Variants in ABCC9 observed in about 807,000 individuals in gnomAD.
ABCC9 encodes ATP-binding cassette sub-family C member 9.
Under a neutral mutation model 188.3 loss-of-function variants are expected in ABCC9, and 95 were observed. That is an observed-to-expected ratio of 0.50 (90% CI 0.43 to 0.60). ABCC9 has a LOEUF of 0.60. Ranked by LOEUF, ABCC9 falls within the 20% of genes least tolerant of loss-of-function variation. The pLI, the probability that ABCC9 is intolerant of heterozygous loss-of-function variation, is 0.00. For missense variants in ABCC9, 1,102 were observed against 1,876.3 expected, an observed-to-expected ratio of 0.59 and a Z score of 7.62; for synonymous variants, 659 against 652.7, an observed-to-expected ratio of 1.01 and a Z score of -0.15.
intron 3 of ABCC9, among the ~76,000 whole-genome samples, chr12:21,936,281 C>G (rs1393634340): frequency 6.6e-6 from 1 of 152,152 alleles, no homozygotes; most frequent in Non-Finnish European, 1.5e-5. Flanking sequence ...ATATATTTCT[C>G]TTTCCTTCTT....
chr12:21,892,112 C>G (rs143016564), intron 14 of ABCC9, among the ~76,000 whole-genome samples: 63 of 152,288 alleles, frequency 4.1e-4, no homozygotes, highest in African/African-American at 1.5e-3. Context: ...AAAGACTGGT[C>G]TTTATCAAAC....
rs4148670 is a variant in ABCC9, at chr12:21,863,070, G to GA, written c.2238-17dup. 0.032 allele frequency: 38,299 copies of GA among 1,197,082 alleles called. 2 individuals are homozygous for GA. The highest frequency in any genetic ancestry group is 0.035 in the Non-Finnish European group (30,258 of 865,362). 74.2% of individuals were successfully genotyped at this position (1,197,082 alleles called of 1,614,324 possible). A position where few individuals can be genotyped will look rare whatever the true frequency, so the allele number is the denominator to read the frequency against. ...CCTGTTCCTACTGAAAAATGAAAAA[G>GA]AAAAAAAAAAACACCAGGATTATGC... On this transcript the variant is annotated splice_polypyrimidine_tract_variant and intron_variant, in intron 19 of 39. Transcript: ENST00000261200.
At chr12:21,936,758 T>G (rs1949506874) in intron 2 of ABCC9, 64 bp from the exon 3 acceptor site, 1 of 1,286,174 alleles carries the variant, frequency 7.8e-7, no homozygotes, top group Admixed American at 1.9e-5. Flanking sequence ...CATAAAATTA[T>G]TAAAGCCTTG....
chr12:21,863,894 C>G (rs1016342904), intron 19 of ABCC9, among the ~76,000 whole-genome samples: 3 of 152,086 alleles, frequency 2.0e-5, no homozygotes, highest in Admixed American at 6.6e-5. Context: ...TAAAACATTA[C>G]GTCTTAGGAG....
At position 21,915,444 on chromosome 12, in the gene ABCC9, ATATG is replaced by A. The variant is rs528610551; in HGVS notation, c.816+220_816+223del. Among the ~76,000 whole-genome samples, 81 of 108,510 alleles carry A rather than the reference ATATG, an allele frequency of 7.5e-4. 1 individual carries two copies. The highest frequency in any genetic ancestry group is 2.7e-3 in the African/African-American group (78 of 29,288). The allele number at this position is 108,510 out of a possible 152,430, so 71.2% of individuals were successfully genotyped here. A position where few individuals can be genotyped will look rare whatever the true frequency, so the allele number is the denominator to read the frequency against. On this transcript the variant is annotated intron_variant, in intron 7 of 39. Transcript: ENST00000261200. ...TATATATGTGTGTATATATGTGTAT[ATATG>A]TATATATGTGTGTATATGTGTGTGT...
chr12:21,860,681 C>T (rs890152633), intron 21 of ABCC9, among the ~76,000 whole-genome samples: 17 of 152,280 alleles, frequency 1.1e-4, no homozygotes, highest in African/African-American at 3.8e-4. Flanking sequence ...GCAAGCTCCA[C>T]GTAAGCAAAA....
rs138399068 is a variant in ABCC9, at chr12:21,840,307, C to G, written c.3473+2007G>C. On this transcript the variant is annotated intron_variant, in intron 29 of 39. Transcript: ENST00000261200. ...AAGAACCTCAACATCTAGAAGGATC[C>G]TTGTTTGTGAGGTTTAATATCATAT... 3.6e-4 allele frequency among the ~76,000 whole-genome samples: 55 copies of G among 152,196 alleles called. 1 individual carries two copies. The East Asian group carries it at 7.7e-3, about 21-fold the overall frequency.
chr12:21,915,514 A>ATATATATATATATTTTTTTT, intron 7 of ABCC9, among the ~76,000 whole-genome samples, 154 bp downstream of exon 7: 3 of 3,520 alleles, frequency 8.5e-4, no homozygotes, highest in African/African-American at 3.3e-3. Flanking sequence ...ATATATATAT[A>ATATATATATATATTTTTTTT]TTTTTTTTTT....
At chr12:21,834,767 T>C (rs1235994601) in intron 30 of ABCC9, among the ~76,000 whole-genome samples, 1 of 144,782 alleles carries the variant, frequency 6.9e-6, no homozygotes, top group Non-Finnish European at 1.5e-5. Flanking sequence ...GACTTATACA[T>C]ATAGCATATA....
At chr12:21,914,268 T>G (rs1187248611) in intron 7 of ABCC9, among the ~76,000 whole-genome samples, 1 of 152,178 alleles carries the variant, frequency 6.6e-6, no homozygotes, top group East Asian at 1.9e-4. Flanking sequence ...CAATGATATT[T>G]GTAGATGATG....
At chr12:21,892,233 A>G (rs1223631501) in intron 14 of ABCC9, among the ~76,000 whole-genome samples, 2 of 152,008 alleles carry the variant, frequency 1.3e-5, no homozygotes, top group Admixed American at 6.6e-5. Flanking sequence ...ATTGTATACC[A>G]TGGATTGGAG....
At chr12:21,921,375 C>T (rs527241992) in intron 5 of ABCC9, among the ~76,000 whole-genome samples, 2 of 152,062 alleles carry the variant, frequency 1.3e-5, no homozygotes, top group South Asian at 2.1e-4. Context: ...CTTCTTTTGA[C>T]AAATGTCTAT....
rs565087247 is a variant in ABCC9, at chr12:21,869,553, A to G, written c.2198+3072T>C. 5 of 152,308 alleles carry G rather than the reference A, an allele frequency of 3.3e-5. No individual in the cohort carries two copies. In the East Asian group the frequency reaches 9.6e-4, roughly 29 times the overall value. 9.4% of individuals were successfully genotyped at this position (152,308 alleles called of 1,614,324 possible). Reference sequence around the variant, plus strand: ...TAGAACAAAATCTTAACTCCACAGCATACCCAGAATGCTTTCCTCCTTTTC... The same window carrying G: ...TAGAACAAAATCTTAACTCCACAGCGTACCCAGAATGCTTTCCTCCTTTTC... On this transcript the variant is annotated intron_variant, in intron 18 of 39. Coordinates refer to ENST00000261200, the MANE Select transcript of ABCC9 (RefSeq NM_020297.4).
chr12:21,832,810 G>C (rs1943848548), intron 30 of ABCC9, among the ~76,000 whole-genome samples: 1 of 152,166 alleles, frequency 6.6e-6, no homozygotes, highest in South Asian at 2.1e-4. Context: ...ATATGAAAAA[G>C]ACAGTTGCAC....
rs1592246330 is a variant in ABCC9 at position 21,923,985 on chromosome 12, A to C, written c.406+1957T>G. 4 of 538,648 alleles carry C rather than the reference A, an allele frequency of 7.4e-6. No individual in the cohort carries two copies. In the East Asian group the frequency reaches 1.2e-4, roughly 16 times the overall value. 33.4% of individuals were successfully genotyped at this position (538,648 alleles called of 1,614,324 possible). ...GGATGAGCATCAAAAAATCATGCTT[A>C]GAAAAAGAAGCCTTACTTAAAAGTC... On this transcript the variant is annotated intron_variant, in intron 5 of 39. Transcript: ENST00000261200.
At chr12:21,936,397 A>G in intron 3 of ABCC9, 136 bp downstream of exon 3, 1 of 801,436 alleles carries the variant, frequency 1.2e-6, no homozygotes, top group Non-Finnish European at 1.9e-6. Context: ...TGAAAAACAC[A>G]AAATACTTGC....
intron 11 of ABCC9, 62 bp downstream of exon 11, chr12:21,908,015 A>G (rs1948124457): frequency 1.3e-6 from 2 of 1,522,440 alleles, no homozygotes; most frequent in Admixed American, 1.7e-5. Context: ...AATTTCCTAT[A>G]TTATAAAATT....
chr12:21,817,996 A>T (rs552373963), intron 32 of ABCC9, among the ~76,000 whole-genome samples, 154 bp downstream of exon 32: 1 of 151,620 alleles, frequency 6.6e-6, no homozygotes, highest in Admixed American at 6.6e-5. Context: ...CCCACCCTCT[A>T]AGTTCCCTCC....
chr12:21,876,843 T>C (rs1371564348), intron 16 of ABCC9, among the ~76,000 whole-genome samples: 4 of 152,246 alleles, frequency 2.6e-5, no homozygotes, highest in African/African-American at 9.6e-5. Context: ...ATTTGTGATA[T>C]CTGAATTATA....
Sources: allele counts gnomAD v4.1 joint callset (sites outside exome capture counted in the v4.1 genomes callset), GRCh38; gene constraint gnomAD v4.1.1; transcripts MANE v1.5; gene names NCBI Gene and HGNC (gene_info 2026-07-23, HGNC 2026-07-21).